Variants in GARIN2 observed in about 807,000 individuals in gnomAD.
The protein encoded by GARIN2 is Golgi-associated RAB2 interactor protein 2.
chr14:67,203,585 G>C, the GARIN2 span, among the ~76,000 whole-genome samples: 5 of 152,216 alleles, frequency 3.3e-5, no homozygotes, highest in African/African-American at 1.2e-4. Flanking sequence ...CCAGCTTCCA[G>C]CAGAATTAGC....
At chr14:67,221,774 T>C in the GARIN2 span, 22 of 1,613,234 alleles carry the variant, frequency 1.4e-5, no homozygotes, top group South Asian at 2.1e-4. Context: ...TATTTATTTT[T>C]ACAGGAGCTT....
the GARIN2 span, chr14:67,203,380 T>C: frequency 2.9e-5 from 33 of 1,121,484 alleles, no homozygotes; most frequent in Admixed American, 8.4e-4. Flanking sequence ...TGATGACAAT[T>C]GCGCCAGTGG....
the GARIN2 span, chr14:67,205,136 G>A: frequency 1.3e-6 from 2 of 1,489,240 alleles, no homozygotes; most frequent in South Asian, 1.3e-5. Context: ...GAGAACTAGA[G>A]GGGTTACCGA....
At chr14:67,192,998 CTA>C in the GARIN2 span, among the ~76,000 whole-genome samples, 2 of 144,318 alleles carry the variant, frequency 1.4e-5, no homozygotes, top group African/African-American at 2.5e-5. Flanking sequence ...CTATATATCT[CTA>C]TATATCAATA....
At chr14:67,214,462 G>A in the GARIN2 span, among the ~76,000 whole-genome samples, 7 of 152,184 alleles carry the variant, frequency 4.6e-5, no homozygotes, top group Non-Finnish European at 7.3e-5. Flanking sequence ...GTTTGTCAAA[G>A]ATTAGATAGT....
the GARIN2 span, among the ~76,000 whole-genome samples, chr14:67,196,266 C>T: frequency 6.6e-6 from 1 of 150,856 alleles, no homozygotes; most frequent in African/African-American, 2.4e-5. Flanking sequence ...GCCCAGCCTG[C>T]AGTGCATTGG....
chr14:67,225,954 T>C, the GARIN2 span, among the ~76,000 whole-genome samples: 3 of 138,022 alleles, frequency 2.2e-5, no homozygotes, highest in African/African-American at 6.0e-5. Context: ...TGTGTGTGTG[T>C]GTGTGTGTGC....
At chr14:67,206,408 A>G in the GARIN2 span, among the ~76,000 whole-genome samples, 1 of 152,128 alleles carries the variant, frequency 6.6e-6, no homozygotes, top group East Asian at 1.9e-4. Context: ...AGGCAGGAGA[A>G]TTGTTTGAAA....
At chr14:67,191,233 CA>C in the GARIN2 span, among the ~76,000 whole-genome samples, 1 of 149,550 alleles carries the variant, frequency 6.7e-6, no homozygotes, top group African/African-American at 2.5e-5. Context: ...GACTCCGTCT[CA>C]AAAAAAAACA....
chr14:67,200,475 C>A, the GARIN2 span: 169 of 397,044 alleles, frequency 4.3e-4, 4 homozygotes, highest in East Asian at 7.1e-3. Flanking sequence ...ACTTTTTCCA[C>A]AGGAGGTATT....
the GARIN2 span, among the ~76,000 whole-genome samples, chr14:67,212,035 C>T: frequency 6.6e-6 from 1 of 152,192 alleles, no homozygotes; most frequent in East Asian, 1.9e-4. Flanking sequence ...GTAATCTTAA[C>T]CACTGTGAAG....
the GARIN2 span, among the ~76,000 whole-genome samples, chr14:67,192,687 A>T: frequency 3.3e-5 from 5 of 151,680 alleles, no homozygotes; most frequent in Non-Finnish European, 5.9e-5. Flanking sequence ...AAATAGCTTG[A>T]CACCATGATT....
chr14:67,192,995 T>C, the GARIN2 span, among the ~76,000 whole-genome samples: 4 of 146,284 alleles, frequency 2.7e-5, no homozygotes, highest in African/African-American at 9.9e-5. Context: ...TCTCTATATA[T>C]CTCTATATAT....
the GARIN2 span, among the ~76,000 whole-genome samples, chr14:67,220,608 A>C: frequency 4.6e-5 from 7 of 152,212 alleles, no homozygotes; most frequent in African/African-American, 1.7e-4. Context: ...TGAAGAATTT[A>C]CTTTATAAAA....
At chr14:67,195,952 T>G in the GARIN2 span, among the ~76,000 whole-genome samples, 13 of 152,156 alleles carry the variant, frequency 8.5e-5, no homozygotes, top group Non-Finnish European at 1.6e-4. Context: ...ACCTGGCTAA[T>G]TTTTGTGTTT....
the GARIN2 span, among the ~76,000 whole-genome samples, chr14:67,211,477 A>G: frequency 6.6e-6 from 1 of 152,210 alleles, no homozygotes; most frequent in Non-Finnish European, 1.5e-5. Flanking sequence ...TTAATGTAGT[A>G]AAAAATAATT....
the GARIN2 span, among the ~76,000 whole-genome samples, chr14:67,226,721 C>T: frequency 6.3e-4 from 96 of 152,266 alleles, 3 homozygotes; most frequent in Admixed American, 1.9e-3. Flanking sequence ...AGGTAATGGA[C>T]CAGAGGAGAA....
chr14:67,225,097 C>A, the GARIN2 span: 3 of 1,541,560 alleles, frequency 1.9e-6, no homozygotes, highest in East Asian at 2.4e-5. Flanking sequence ...TTTCCTTATT[C>A]TTTTTCTTTT....
the GARIN2 span, chr14:67,196,806 G>A: frequency 6.6e-6 from 1 of 152,302 alleles, no homozygotes; most frequent in Non-Finnish European, 1.5e-5. Flanking sequence ...CAGCAGCCTC[G>A]GACTCCGCTT....
Sources: allele counts gnomAD v4.1 joint callset (sites outside exome capture counted in the v4.1 genomes callset), GRCh38; gene constraint gnomAD v4.1.1; transcripts MANE v1.5; gene names NCBI Gene and HGNC (gene_info 2026-07-23, HGNC 2026-07-21).